Variants in LY6K observed in about 807,000 individuals in gnomAD.
The protein encoded by LY6K is lymphocyte antigen 6 family member K.
A neutral mutation model predicts 10.4 loss-of-function variants in LY6K; 9 were observed. That is an observed-to-expected ratio of 0.87 (90% CI 0.52 to 1.52). The LOEUF (loss-of-function observed/expected upper bound fraction) is 1.52, where lower values mean the gene tolerates loss of function less well. LY6K is among the 40% of genes most tolerant of loss of function. The pLI is 0.00. For synonymous variants in LY6K, 98 were observed against 83.7 expected (o/e 1.17, Z -0.94); for missense variants, 217 against 211.7 (o/e 1.02, Z -0.15).
chr8:142,702,265 G>C, intron 2 of LY6K: 1 of 547,488 alleles, frequency 1.8e-6, no homozygotes, highest in Non-Finnish European at 3.3e-6. Context: ...ATTTTTAAAT[G>C]AAAAATTAAG....
At chr8:142,702,813 G>A in intron 2 of LY6K, 1 of 1,498,770 alleles carries the variant, frequency 6.7e-7, no homozygotes, top group Admixed American at 2.2e-5. Flanking sequence ...CCCTGTGTTT[G>A]AGAAGTTGAG....
chr8:142,701,807 CTA>C, intron 2 of LY6K, 94 bp downstream of exon 2: 2 of 748,438 alleles, frequency 2.7e-6, no homozygotes, highest in Non-Finnish European at 4.6e-6. Flanking sequence ...TGGGGAATAA[CTA>C]ATAGAAAGTA....
chr8:142,702,665 G>A, intron 2 of LY6K: 1 of 1,518,856 alleles, frequency 6.6e-7, no homozygotes, highest in Non-Finnish European at 8.8e-7. Context: ...TGATGTATAA[G>A]ATGAAGTGTG....
rs1388987702 is a variant in LY6K, at chr8:142,704,149, A to T, written c.*778A>T. ...TTCCACCAAAAACAAATACAAGGGG[A>T]CTTCAAAAGTTCACGAAAAAATTGA... is the stretch of plus-strand genomic sequence containing the variant. On this transcript the variant is annotated 3_prime_UTR_variant, in exon 3 of 3. Transcript: ENST00000292430. 4 of 152,196 alleles carry T rather than the reference A, an allele frequency of 2.6e-5. No individual in the cohort carries two copies. The highest frequency in any genetic ancestry group is 9.7e-5 in the African/African-American group (4 of 41,446). 9.4% of individuals were successfully genotyped at this position (152,196 alleles called of 1,614,324 possible).
chr8:142,701,822 CTTTTT>C, intron 2 of LY6K, 109 bp downstream of exon 2: 1 of 597,358 alleles, frequency 1.7e-6, no homozygotes, highest in Non-Finnish European at 3.0e-6. Flanking sequence ...AGAAAGTAGC[CTTTTT>C]TTTTTTTTAT....
At position 142,700,309 on chromosome 8, in the gene LY6K, C is replaced by T; in HGVS notation, c.-219C>T. ...GCTCCAACAGCAGCACAAGGCGGGA[C>T]TCAGAACCGGCGTTCAGGGCCGCCA... On this transcript the variant is annotated 5_prime_UTR_variant, in exon 1 of 3. Transcript: ENST00000292430. 1.6e-6 allele frequency: 2 copies of T among 1,288,760 alleles called. No homozygotes were observed. Among genetic ancestry groups the T allele is most frequent in the Non-Finnish European group, 2.0e-6 (2 of 1,017,468 alleles). 79.8% of individuals were successfully genotyped at this position (1,288,760 alleles called of 1,614,324 possible). A position where few individuals can be genotyped will look rare whatever the true frequency, so the allele number is the denominator to read the frequency against.
chr8:142,703,093 A>C lies in LY6K; in HGVS notation c.220A>C (p.Ile74Leu). 1.2e-6 allele frequency: 2 copies of C among 1,613,490 alleles called. No individual in the cohort carries two copies. Among genetic ancestry groups the C allele is most frequent in the Non-Finnish European group, 1.7e-6 (2 of 1,179,590 alleles). ...EPYCVIAAVK[I>L]FPRFFMVAKQ... ...TCTCGGTCTTTATTTCCTATTAGAA[A>C]TATTTCCACGTTTTTTCATGGTTGC... Residue 74 changes from isoleucine (I) to leucine (L), a missense_variant and splice_region_variant, in exon 3 of 3, where the codon ATA becomes CTA. Physicochemically the swap from Ile to Leu is conservative, Grantham distance 5. Coordinates refer to ENST00000292430, the MANE Select transcript of LY6K (RefSeq NM_017527.4).
At chr8:142,700,746 G>GCCC (rs1446348504) in intron 1 of LY6K, 116 bp downstream of exon 1, 2 of 1,097,274 alleles carry the variant, frequency 1.8e-6, no homozygotes, top group Non-Finnish European at 2.4e-6. Flanking sequence ...CGTTCAGGCG[G>GCCC]CCCGTGGCGC....
chr8:142,702,410 G>A, intron 2 of LY6K: 1 of 1,344,434 alleles, frequency 7.4e-7, no homozygotes, highest in South Asian at 1.3e-5. Flanking sequence ...GGAGACCACT[G>A]CTCTGTCATC....
In LY6K at chr8:142,703,634, A is replaced by C; in HGVS notation, c.*263A>C. 1 of 477,174 alleles carries C rather than the reference A, an allele frequency of 2.1e-6. No homozygotes were observed. The highest frequency in any genetic ancestry group is 3.7e-6 in the Non-Finnish European group (1 of 268,100). 29.6% of individuals were successfully genotyped at this position (477,174 alleles called of 1,614,324 possible). A position where few individuals can be genotyped will look rare whatever the true frequency, so the allele number is the denominator to read the frequency against. On this transcript the variant is annotated 3_prime_UTR_variant, in exon 3 of 3. Coordinates refer to ENST00000292430, the MANE Select transcript of LY6K (RefSeq NM_017527.4). ...TGAAATCAAACCTTGTAACTCATTT[A>C]TTGCTGATGGCCACTCTTTTCCTTG...
chr8:142,700,348 CCT>C lies in LY6K; in HGVS notation c.-179_-178del, dbSNP rs1554639864. On this transcript the variant is annotated 5_prime_UTR_variant, in exon 1 of 3. Transcript: ENST00000292430. The stretch of plus-strand genomic sequence containing the variant: ...TCAGGGCCGCCAGCGGCCGCGAGGC[CCT>C]GAGATGAGGCTCCAAAGACCCCGAC... The C allele has an allele frequency of 7.5e-7, 1 of 1,326,386 alleles. No individual in the cohort carries two copies. 82.2% of individuals were successfully genotyped at this position (1,326,386 alleles called of 1,614,324 possible). A position where few individuals can be genotyped will look rare whatever the true frequency, so the allele number is the denominator to read the frequency against.
At chr8:142,702,092 A>G in intron 2 of LY6K, 1 of 292,768 alleles carries the variant, frequency 3.4e-6, no homozygotes, top group Non-Finnish European at 6.5e-6. Flanking sequence ...TACAAGCGTA[A>G]GCCACCGCGC....
chr8:142,702,650 T>C, intron 2 of LY6K: 1 of 1,527,342 alleles, frequency 6.5e-7, no homozygotes, highest in East Asian at 2.5e-5. Flanking sequence ...AAATGATTTG[T>C]ACAGTGATGT....
intron 2 of LY6K, 183 bp downstream of exon 2, chr8:142,701,896 G>A (rs377164230): frequency 1.1e-5 from 6 of 522,464 alleles, no homozygotes; most frequent in East Asian, 3.4e-5. Context: ...CTGCAACCTC[G>A]CCTTCCGGGT....
chr8:142,700,139 C>A lies in LY6K; in HGVS notation c.-389C>A. Reference sequence around the variant, plus strand: ...TTATCAGAGGTGAGCCCGTGCTCTTCAGCGGAGAAGATCCCCTACCTGGCC... The same window carrying A: ...TTATCAGAGGTGAGCCCGTGCTCTTAAGCGGAGAAGATCCCCTACCTGGCC... On this transcript the variant is annotated 5_prime_UTR_variant, in exon 1 of 3. Coordinates refer to ENST00000292430, the MANE Select transcript of LY6K (RefSeq NM_017527.4). The A allele has an allele frequency of 5.4e-6, 1 of 185,384 alleles. No homozygotes were observed. 11.5% of individuals were successfully genotyped at this position (185,384 alleles called of 1,614,324 possible). A position where few individuals can be genotyped will look rare whatever the true frequency, so the allele number is the denominator to read the frequency against.
chr8:142,704,719 G>A lies in LY6K; in HGVS notation c.*1348G>A, dbSNP rs1330263533. 1 of 152,182 alleles carries A rather than the reference G, an allele frequency of 6.6e-6. No individual in the cohort carries two copies. The highest frequency in any genetic ancestry group is 1.9e-4 in the East Asian group (1 of 5,206). 9.4% of individuals were successfully genotyped at this position (152,182 alleles called of 1,614,324 possible). A position where few individuals can be genotyped will look rare whatever the true frequency, so the allele number is the denominator to read the frequency against. The stretch of plus-strand genomic sequence containing the variant: ...TCTGATGGGACCACGCCCACCTCTA[G>A]GTAGTCATTGCTTTGCTTGTGCTTT... On this transcript the variant is annotated 3_prime_UTR_variant, in exon 3 of 3. Coordinates refer to ENST00000292430, the MANE Select transcript of LY6K (RefSeq NM_017527.4).
chr8:142,703,579 G>A lies in LY6K; in HGVS notation c.*208G>A. On this transcript the variant is annotated 3_prime_UTR_variant, in exon 3 of 3. Transcript: ENST00000292430. Reference sequence around the variant, plus strand: ...TTCAGAGGAAGTCCAGATCTCCTGAGTAGTGATTTTGGTGACAAGTTTTTC... The same window carrying A: ...TTCAGAGGAAGTCCAGATCTCCTGAATAGTGATTTTGGTGACAAGTTTTTC... The A allele has an allele frequency of 5.2e-6, 3 of 580,136 alleles. No individual in the cohort carries two copies. The highest frequency in any genetic ancestry group is 5.9e-6 in the Non-Finnish European group (2 of 337,440). The allele number at this position is 580,136 out of a possible 1,614,324, so 35.9% of individuals were successfully genotyped here. A position where few individuals can be genotyped will look rare whatever the true frequency, so the allele number is the denominator to read the frequency against.
At chr8:142,700,761 AAGCCTC>A in intron 1 of LY6K, 131 bp downstream of exon 1, 1 of 999,018 alleles carries the variant, frequency 1.0e-6, no homozygotes, top group African/African-American at 1.7e-5. Flanking sequence ...TGGCGCCTGG[AAGCCTC>A]TGGGGAGCCT....
Position 142,701,722 on chromosome 8 carries a change from C to G in LY6K, c.217+9C>G. ...CGTTATAGCGGCCGTGAGTGAGTAT[C>G]TTCGCTCTTGTTGGGGACCCAAAGG... is the stretch of plus-strand genomic sequence containing the variant. On this transcript the variant is annotated intron_variant, in intron 2 of 2. Coordinates refer to ENST00000292430, the MANE Select transcript of LY6K (RefSeq NM_017527.4). The G allele has an allele frequency of 6.3e-7, 1 of 1,590,842 alleles. No homozygotes were observed. Among genetic ancestry groups the G allele is most frequent in the Non-Finnish European group, 8.6e-7 (1 of 1,160,110 alleles).
Sources: allele counts gnomAD v4.1 joint callset, GRCh38; gene constraint gnomAD v4.1.1; transcripts MANE v1.5; gene names NCBI Gene and HGNC (gene_info 2026-07-23, HGNC 2026-07-21).